The following PDE7B variants were observed in gnomAD, a reference collection of about 807,000 sequenced individuals.
PDE7B encodes the protein phosphodiesterase 7B, also known as 3',5'-cyclic-AMP phosphodiesterase 7B.
In PDE7B, 29 loss-of-function variants were observed where a neutral mutation model predicts 56.2. The ratio of observed to expected loss-of-function variants is 0.52; its 90% CI spans 0.38 to 0.70. PDE7B has a LOEUF of 0.70. PDE7B is among the 30% of genes least tolerant of loss of function. The probability of loss-of-function intolerance (pLI) is 0.00; values close to 1 mark genes in which losing one functional copy is unlikely to be tolerated. For missense variants in PDE7B, 490 were observed against 565.0 expected (o/e 0.87, Z 1.35); for synonymous variants, 197 against 196.9 (o/e 1.00, Z 0.00).
intron 1 of PDE7B, among the ~76,000 whole-genome samples, chr6:135,903,121 A>AG (rs1776035327): frequency 1.3e-5 from 2 of 152,304 alleles, no homozygotes; most frequent in South Asian, 4.1e-4. Context: ...GTCAGTTACT[A>AG]GGTAATGTGG....
chr6:135,990,067 A>G (rs1476920860), intron 2 of PDE7B, among the ~76,000 whole-genome samples: 2 of 151,520 alleles, frequency 1.3e-5, no homozygotes, highest in Non-Finnish European at 2.9e-5. Flanking sequence ...ATTGGGACTC[A>G]GCAATCTGTT....
At chr6:136,070,567 A>G (rs899405061) in intron 2 of PDE7B, among the ~76,000 whole-genome samples, 21 of 152,168 alleles carry the variant, frequency 1.4e-4, no homozygotes, top group Non-Finnish European at 1.8e-4. Flanking sequence ...TTAAAAGGTT[A>G]GTTAATGGCA....
chr6:135,881,014 G>A (rs889279700), intron 1 of PDE7B, among the ~76,000 whole-genome samples: 6 of 152,200 alleles, frequency 3.9e-5, no homozygotes, highest in African/African-American at 1.2e-4. Context: ...TATGAAGTTC[G>A]CACATTTCTC....
intron 2 of PDE7B, among the ~76,000 whole-genome samples, chr6:136,030,639 TG>T (rs1008366091): frequency 6.6e-6 from 1 of 152,326 alleles, no homozygotes; most frequent in African/African-American, 2.4e-5. Flanking sequence ...AATATCACAG[TG>T]GGAAAGATTA....
chr6:136,150,855 A>ATG lies in PDE7B; in HGVS notation c.383-291_383-290dup, dbSNP rs60877369. On this transcript the variant is annotated intron_variant, in intron 5 of 12. Transcript: ENST00000308191. ...TCTTTAAAAAAATACACATATACAC[A>ATG]TGTGTGTGTGTGTGTATGTGTATGT... Among the ~76,000 whole-genome samples, 625 of 150,630 alleles carry ATG rather than the reference A, an allele frequency of 4.1e-3. 5 individuals are homozygous for ATG. The highest frequency in any genetic ancestry group is 0.018 in the South Asian group (85 of 4,760).
chr6:135,934,334 A>G (rs6911842), intron 1 of PDE7B, among the ~76,000 whole-genome samples: 4,195 of 152,280 alleles, frequency 0.028, 212 homozygotes, highest in African/African-American at 0.095. Flanking sequence ...CCCTCCATTT[A>G]CAGGATACGT....
At chr6:136,044,962 G>T (rs1247679338) in intron 2 of PDE7B, 21 of 150,468 alleles carry the variant, frequency 1.4e-4, no homozygotes, top group Non-Finnish European at 2.5e-4. Context: ...AACAAGGCTG[G>T]TTCAACTGGA....
At chr6:136,028,162 A>C (rs1776184689) in intron 2 of PDE7B, among the ~76,000 whole-genome samples, 1 of 152,206 alleles carries the variant, frequency 6.6e-6, no homozygotes, top group Non-Finnish European at 1.5e-5. Context: ...AGGGCGCAGC[A>C]CTGAGACGTT....
chr6:135,955,899 A>C (rs1046425614), intron 2 of PDE7B, among the ~76,000 whole-genome samples: 2 of 152,206 alleles, frequency 1.3e-5, no homozygotes, highest in Non-Finnish European at 2.9e-5. Context: ...TTGAATTTGC[A>C]TGGGGTGGGG....
rs140336763 is a variant in PDE7B, at chr6:135,981,994, A to G, written c.82+34470A>G. Reference sequence around the variant, plus strand: ...CAATGGTTACAATGACTATGAAGTCACTAGACGATAGGAACTTTTCAGCTC... The same window carrying G: ...CAATGGTTACAATGACTATGAAGTCGCTAGACGATAGGAACTTTTCAGCTC... On this transcript the variant is annotated intron_variant, in intron 2 of 12. Coordinates refer to ENST00000308191, the MANE Select transcript of PDE7B (RefSeq NM_018945.4). 2.6e-4 allele frequency among the ~76,000 whole-genome samples: 40 copies of G among 152,260 alleles called. No homozygotes were observed. In the East Asian group the frequency reaches 6.6e-3, roughly 25 times the overall value.
chr6:136,152,375 T>C (rs1413467970), intron 6 of PDE7B, among the ~76,000 whole-genome samples: 1 of 152,224 alleles, frequency 6.6e-6, no homozygotes, highest in Non-Finnish European at 1.5e-5. Flanking sequence ...GTGCCCACTA[T>C]GAGCAGAGTA....
intron 2 of PDE7B, among the ~76,000 whole-genome samples, chr6:136,087,737 A>T (rs1777316648): frequency 6.6e-6 from 1 of 152,176 alleles, no homozygotes; most frequent in Admixed American, 6.6e-5. Flanking sequence ...TCATATCTAC[A>T]TATTCCTAGT....
intron 1 of PDE7B, among the ~76,000 whole-genome samples, chr6:135,936,667 T>C (rs1774427750): frequency 6.6e-6 from 1 of 152,282 alleles, no homozygotes; most frequent in East Asian, 1.9e-4. Flanking sequence ...TTTCTTGAAG[T>C]GCAGCATGCT....
At chr6:136,178,467 T>G (rs561721884) in intron 9 of PDE7B, among the ~76,000 whole-genome samples, 2 of 152,360 alleles carry the variant, frequency 1.3e-5, no homozygotes, top group African/African-American at 4.8e-5. Context: ...CCCACTGGTT[T>G]GTAACAGTGC....
Position 136,173,878 on chromosome 6 carries a change from A to G in PDE7B, c.793A>G (p.Lys265Glu), listed in dbSNP as rs1392382029. ...ATCAAGGCTTCTTGCTCATTTGCCA[A>G]AGGAAATGACGTAAGTGCTGCCGAG... ...RESRLLAHLP[K>E]EMTQDIEQQL... The change falls in exon 9 of 13, where the codon AAG becomes GAG. Residue 265 changes from lysine to glutamate, a missense_variant. Coordinates refer to ENST00000308191, the MANE Select transcript of PDE7B (RefSeq NM_018945.4). The G allele has an allele frequency of 1.2e-6, 2 of 1,609,054 alleles. No homozygotes were observed. The highest frequency in any genetic ancestry group is 8.5e-7 in the Non-Finnish European group (1 of 1,175,642).
intron 1 of PDE7B, among the ~76,000 whole-genome samples, chr6:135,935,092 T>G (rs1412636842): frequency 1.2e-5 from 1 of 86,890 alleles, no homozygotes; most frequent in African/African-American, 5.1e-5. Context: ...AAATATATAA[T>G]ATATATTTCT....
chr6:136,189,485 C>G (rs1348612488), intron 12 of PDE7B, among the ~76,000 whole-genome samples: 3 of 152,194 alleles, frequency 2.0e-5, no homozygotes, highest in African/African-American at 4.8e-5. Context: ...GCAGGAGGAT[C>G]ACCTGAGCCC....
intron 1 of PDE7B, among the ~76,000 whole-genome samples, chr6:135,923,467 A>G (rs1421471164): frequency 2.0e-5 from 3 of 152,232 alleles, no homozygotes; most frequent in Non-Finnish European, 1.5e-5. Context: ...TGAAATGTTT[A>G]GTATATGATT....
chr6:136,121,524 A>G (rs2128443399), intron 3 of PDE7B, among the ~76,000 whole-genome samples: 1 of 152,322 alleles, frequency 6.6e-6, no homozygotes, highest in South Asian at 2.1e-4. Flanking sequence ...TAAAAAAAGG[A>G]GAAAGGGTAA....
Sources: gnomAD v4.1 joint callset for allele counts (sites outside exome capture counted in the v4.1 genomes callset) on GRCh38, gnomAD v4.1.1 for gene constraint, MANE v1.5 for transcripts, NCBI Gene and HGNC (gene_info 2026-07-23, HGNC 2026-07-21) for gene names.